KIF26B: variants seen among roughly 807,000 people sequenced by gnomAD.
KIF26B encodes kinesin family member 26B.
Under a neutral mutation model 151.2 loss-of-function variants are expected in KIF26B, and 63 were observed. That is an observed-to-expected ratio of 0.42 (90% CI 0.34 to 0.51). KIF26B has a LOEUF of 0.51. Among genes scored for constraint, KIF26B ranks in the 20% least tolerant of loss-of-function variants. The pLI, the probability that KIF26B is intolerant of heterozygous loss-of-function variation, is 0.07. For synonymous variants in KIF26B, 1,357 were observed against 1,262.1 expected, an observed-to-expected ratio of 1.08 and a Z score of -1.59; for missense variants, 2,813 against 2,913.6, an observed-to-expected ratio of 0.97 and a Z score of 0.79.
At chr1:245,333,406 A>G (rs1672152776) in intron 2 of KIF26B, among the ~76,000 whole-genome samples, 1 of 152,214 alleles carries the variant, frequency 6.6e-6, no homozygotes, top group African/African-American at 2.4e-5. Flanking sequence ...AAATTCATAG[A>G]GACAAACCAG....
At chr1:245,249,738 C>T (rs1670408123) in intron 2 of KIF26B, among the ~76,000 whole-genome samples, 1 of 152,140 alleles carries the variant, frequency 6.6e-6, no homozygotes. Flanking sequence ...CTTCCTAGGC[C>T]TCCCAGAGTG....
At chr1:245,175,933 G>GATATCT (rs1668796245) in intron 2 of KIF26B, among the ~76,000 whole-genome samples, 1 of 121,418 alleles carries the variant, frequency 8.2e-6, no homozygotes, top group African/African-American at 3.6e-5. Flanking sequence ...TATATATTTA[G>GATATCT]ATGTCTATAT....
intron 4 of KIF26B, among the ~76,000 whole-genome samples, chr1:245,518,624 C>T (rs1340682160): frequency 1.3e-5 from 2 of 152,166 alleles, no homozygotes; most frequent in Non-Finnish European, 2.9e-5. Context: ...TGCCAGCATT[C>T]TGGTACCAGT....
intron 4 of KIF26B, among the ~76,000 whole-genome samples, chr1:245,440,171 A>G (rs1659040174): frequency 1.3e-5 from 2 of 151,952 alleles, no homozygotes; most frequent in South Asian, 4.2e-4. Flanking sequence ...CAGTGAGCCG[A>G]GATCGTGCCA....
At chr1:245,313,867 G>A (rs1475707360) in intron 2 of KIF26B, among the ~76,000 whole-genome samples, 1 of 152,064 alleles carries the variant, frequency 6.6e-6, no homozygotes, top group Admixed American at 6.6e-5. Context: ...CAAGACTGAG[G>A]CCCATCCTGA....
intron 2 of KIF26B, among the ~76,000 whole-genome samples, chr1:245,346,156 G>A (rs1229629954): frequency 6.6e-6 from 1 of 151,924 alleles, no homozygotes; most frequent in Non-Finnish European, 1.5e-5. Context: ...TCTTGGCCAG[G>A]CTGGTCTTGA....
At chr1:245,343,047 C>G (rs1337228560) in intron 2 of KIF26B, among the ~76,000 whole-genome samples, 3 of 146,378 alleles carry the variant, frequency 2.0e-5, no homozygotes, top group African/African-American at 7.7e-5. Flanking sequence ...GATCACACCA[C>G]TGCACTCCAG....
intron 2 of KIF26B, among the ~76,000 whole-genome samples, chr1:245,351,524 A>G (rs976314218): frequency 1.9e-4 from 29 of 149,524 alleles, no homozygotes; most frequent in Admixed American, 1.6e-3. Context: ...AGCATTTGTA[A>G]TAACATGTTA....
intron 10 of KIF26B, among the ~76,000 whole-genome samples, chr1:245,654,946 C>T (rs542310610): frequency 6.6e-6 from 1 of 152,352 alleles, no homozygotes; most frequent in East Asian, 1.9e-4. Flanking sequence ...CCTCAAACAT[C>T]TGGCTAAGAA....
intron 1 of KIF26B, among the ~76,000 whole-genome samples, chr1:245,156,051 CAGG>C (rs1668425330): frequency 6.6e-6 from 1 of 152,202 alleles, no homozygotes; most frequent in Non-Finnish European, 1.5e-5. Flanking sequence ...TTCCTGACCC[CAGG>C]AGGAGGCCAC....
At position 245,239,030 on chromosome 1, in the gene KIF26B, C is replaced by T. The variant is rs78181742; in HGVS notation, c.465+82347C>T. Among the ~76,000 whole-genome samples the T allele has an allele frequency of 0.059, 8,962 of 152,190 alleles. 337 individuals are homozygous for T. Among genetic ancestry groups the T allele is most frequent in the Middle Eastern group, 0.12 (36 of 294 alleles). ...CTTGATATGGAGACGTGGTTTCTTA[C>T]GTCTAATTTCGTTTTCCACCATCTA... On this transcript the variant is annotated intron_variant, in intron 2 of 14. Transcript: ENST00000407071. This position sits in a 1 kb window ranked among gnomAD's most constrained non-coding sequence, Gnocchi z 4.3.
chr1:245,497,327 A>C (rs1206263913), intron 4 of KIF26B, among the ~76,000 whole-genome samples: 2 of 152,190 alleles, frequency 1.3e-5, no homozygotes, highest in South Asian at 2.1e-4. Context: ...TGAATCTCTC[A>C]ACAATGACAC....
intron 4 of KIF26B, among the ~76,000 whole-genome samples, chr1:245,444,724 T>C (rs989250439): frequency 2.6e-5 from 4 of 152,072 alleles, no homozygotes; most frequent in African/African-American, 9.7e-5. Flanking sequence ...TGAAGGGAAG[T>C]TTTTCCTACA....
At chr1:245,198,867 G>A (rs10754446) in intron 2 of KIF26B, among the ~76,000 whole-genome samples, 83,605 of 147,024 alleles carry the variant, frequency 0.57, 24,378 homozygotes, top group Non-Finnish European at 0.64. Flanking sequence ...AGAGTGTAAC[G>A]GGGGTTCTAA....
At position 245,564,036 on chromosome 1, in the gene KIF26B, G is replaced by A. The variant is rs147880963; in HGVS notation, c.1350+23086G>A. On this transcript the variant is annotated intron_variant, in intron 5 of 14. Transcript: ENST00000407071. The surrounding 1 kb of genome is among the most constrained non-coding windows in gnomAD (Gnocchi z 4.6). ...ATTTCATTTCGCAGCTAGATTGCTC[G>A]TGAACAGCTAAGCAGGTCACGCTGA... 3.0e-4 allele frequency among the ~76,000 whole-genome samples: 46 copies of A among 152,238 alleles called. No homozygotes were observed. The highest frequency in any genetic ancestry group is 9.2e-4 in the Admixed American group (14 of 15,270).
At chr1:245,652,423 G>C (rs2044029520) in intron 10 of KIF26B, among the ~76,000 whole-genome samples, 1 of 152,148 alleles carries the variant, frequency 6.6e-6, no homozygotes, top group African/African-American at 2.4e-5. Context: ...ATGTCGCTGG[G>C]ACATCGAAGT....
rs1384255219 is a variant in KIF26B at position 245,602,588 on chromosome 1, G to A, written c.1362G>A (p.Met454Ile). ...TCTTTTCTTAACAGGTGAAAGTCATGCTTCGCATCTGTTCCACCTTGGCTC... is the reference window on the plus strand; with the variant it reads ...TCTTTTCTTAACAGGTGAAAGTCATACTTCGCATCTGTTCCACCTTGGCTC... ...DTPGLGKVKV[M>I]LRICSTLARD... Residue 454 changes from methionine to isoleucine, a missense_variant, in exon 6 of 15, where the codon ATG becomes ATA. By Grantham distance (10) the Met-to-Ile change is conservative. Coordinates refer to ENST00000407071, the MANE Select transcript of KIF26B (RefSeq NM_018012.4). This position sits in a 1 kb window ranked among gnomAD's most constrained non-coding sequence, Gnocchi z 4.5. 6.2e-7 allele frequency: 1 copy of A among 1,610,890 alleles called. No homozygotes were observed. The highest frequency in any genetic ancestry group is 8.5e-7 in the Non-Finnish European group (1 of 1,178,268).
chr1:245,689,245 A>G (rs967663911), intron 12 of KIF26B, among the ~76,000 whole-genome samples: 8 of 152,270 alleles, frequency 5.3e-5, no homozygotes, highest in Non-Finnish European at 8.8e-5. Flanking sequence ...TCTGTTCAAC[A>G]ACCAAGGATC....
intron 5 of KIF26B, among the ~76,000 whole-genome samples, chr1:245,579,093 T>G (rs1387470735): frequency 2.0e-5 from 3 of 152,194 alleles, no homozygotes; most frequent in African/African-American, 7.2e-5. Context: ...TTTGAATGAA[T>G]GAACAGTAGG....
Sources: allele counts gnomAD v4.1 joint callset (sites outside exome capture counted in the v4.1 genomes callset), GRCh38; gene constraint gnomAD v4.1.1; non-coding constraint Gnocchi (gnomAD v3.1); transcripts MANE v1.5; gene names NCBI Gene and HGNC (gene_info 2026-07-23, HGNC 2026-07-21).